The following STXBP5 variants were observed in gnomAD, a reference collection of about 807,000 sequenced individuals.
STXBP5 encodes syntaxin-binding protein 5.
A neutral mutation model predicts 152.4 loss-of-function variants in STXBP5; 50 were observed. The observed-to-expected ratio is 0.33, with a 90% CI of 0.26 to 0.42. STXBP5 has a LOEUF of 0.42. Ranked by LOEUF, STXBP5 falls within the 10% of genes least tolerant of loss-of-function variation. The probability of loss-of-function intolerance (pLI) is 1.00; values close to 1 mark genes in which losing one functional copy is unlikely to be tolerated. For missense variants in STXBP5, 1,167 were observed against 1,388.6 expected (o/e 0.84, Z 2.54); for synonymous variants, 492 against 494.7 (o/e 0.99, Z 0.07).
At position 147,315,526 on chromosome 6, in the gene STXBP5, G is replaced by C. The variant is rs2128375083; in HGVS notation, c.1414G>C (p.Val472Leu). 1.9e-6 allele frequency: 3 copies of C among 1,603,756 alleles called. No individual in the cohort carries two copies. In the East Asian group the frequency reaches 6.7e-5, roughly 36 times the overall value. Residue 472 changes from valine (V) to leucine (L), a missense_variant, in exon 15 of 28, where the codon GTA becomes CTA. By Grantham distance (32) the Val-to-Leu change is conservative (BLOSUM62 1). Coordinates refer to ENST00000321680, the MANE Select transcript of STXBP5 (RefSeq NM_001127715.4). Reference protein sequence around the residue: ...FWDASAITLQVLYKLKTSKVF... With the variant: ...FWDASAITLQLLYKLKTSKVF... ...TATCTTTTTTCCAGTAACTCTACAA[G>C]TATTATATAAGCTAAAGACATCTAA...
intron 21 of STXBP5, among the ~76,000 whole-genome samples, chr6:147,349,395 T>A (rs576127019): frequency 1.9e-4 from 29 of 152,328 alleles, no homozygotes. Context: ...ATGTTCTTTA[T>A]CTTGCTCGTT....
chr6:147,247,917 A>G (rs1202811537), intron 4 of STXBP5, among the ~76,000 whole-genome samples: 7 of 152,212 alleles, frequency 4.6e-5, no homozygotes, highest in Non-Finnish European at 8.8e-5. Flanking sequence ...AAAAGATTAT[A>G]TAAAAAGACA....
intron 9 of STXBP5, among the ~76,000 whole-genome samples, chr6:147,300,893 G>A (rs911612600): frequency 1.3e-5 from 2 of 151,622 alleles, no homozygotes; most frequent in African/African-American, 4.8e-5. Flanking sequence ...GAAAATATTT[G>A]TAAACTATAC....
chr6:147,307,869 A>G (rs1782172224), intron 9 of STXBP5, among the ~76,000 whole-genome samples: 1 of 152,216 alleles, frequency 6.6e-6, no homozygotes, highest in African/African-American at 2.4e-5. Flanking sequence ...CCTTCCGAGG[A>G]TAAACCTACC....
At chr6:147,337,943 A>G (rs1453741061) in intron 19 of STXBP5, among the ~76,000 whole-genome samples, 1 of 152,112 alleles carries the variant, frequency 6.6e-6, no homozygotes, top group Non-Finnish European at 1.5e-5. Context: ...GTCAGAGAAA[A>G]GCTGTCAAGG....
intron 9 of STXBP5, among the ~76,000 whole-genome samples, chr6:147,309,381 T>C (rs1782253955): frequency 6.6e-6 from 1 of 152,144 alleles, no homozygotes. Flanking sequence ...GGAAATATAC[T>C]CAGACCATAA....
At position 147,327,125 on chromosome 6, in the gene STXBP5, G is replaced by C. The variant is rs1432312422; in HGVS notation, c.1929G>C (p.Leu643=). 6.2e-7 allele frequency: 1 copy of C among 1,604,408 alleles called. No individual in the cohort carries two copies. Among genetic ancestry groups the C allele is most frequent in the East Asian group, 2.2e-5 (1 of 44,788 alleles). Residue 643 remains leucine (L), a splice_region_variant and synonymous_variant, in exon 18 of 28, where the codon CTG becomes CTC. Coordinates refer to ENST00000321680, the MANE Select transcript of STXBP5 (RefSeq NM_001127715.4). ...TSLAVNSSYG[L]VVFGNCNGIA... is the part of the protein sequence containing the mutation. The stretch of plus-strand genomic sequence containing the variant: ...ATGTTTGTTATTTTCCTATTCCCAG[G>C]GTGGTTTTTGGCAATTGCAATGGCA...
In STXBP5 at chr6:147,267,064, G is replaced by A. The variant is rs1231906611; in HGVS notation, c.631-20G>A. The stretch of plus-strand genomic sequence containing the variant: ...AATTGATATCATTCCTAGGTAATGT[G>A]CCTTTTTCTTTTATCACAGCTTTTG... On this transcript the variant is annotated intron_variant, in intron 6 of 27. Coordinates refer to ENST00000321680, the MANE Select transcript of STXBP5 (RefSeq NM_001127715.4). 1.9e-6 allele frequency: 3 copies of A among 1,591,676 alleles called. No homozygotes were observed. Among genetic ancestry groups the A allele is most frequent in the African/African-American group, 1.4e-5 (1 of 73,994 alleles).
chr6:147,387,089 C>A lies in STXBP5; in HGVS notation c.*2334C>A, dbSNP rs1460915541. On this transcript the variant is annotated 3_prime_UTR_variant, in exon 28 of 28. Transcript: ENST00000321680. ...TTTAAATTAATCTACAAATTATGCA[C>A]AACAAACTAGAGACTCAGTTAGGAT... 6.6e-6 allele frequency: 1 copy of A among 151,484 alleles called. No homozygotes were observed. The highest frequency in any genetic ancestry group is 2.4e-5 in the African/African-American group (1 of 41,332). 9.4% of individuals were successfully genotyped at this position (151,484 alleles called of 1,614,324 possible).
intron 25 of STXBP5, among the ~76,000 whole-genome samples, chr6:147,371,386 C>G (rs971633371): frequency 1.3e-5 from 2 of 152,084 alleles, no homozygotes; most frequent in Non-Finnish European, 2.9e-5. Context: ...ATAATGTTAA[C>G]CTGTAGATAA....
At chr6:147,247,630 TCTCTTTGAATAC>T (rs1239340963) in intron 4 of STXBP5, among the ~76,000 whole-genome samples, 7 of 152,218 alleles carry the variant, frequency 4.6e-5, no homozygotes, top group African/African-American at 1.7e-4. Context: ...TAGTAAGGAG[TCTCTTTGAATAC>T]CTCTACCCTT....
At chr6:147,365,543 T>C (rs1164385602) in intron 25 of STXBP5, among the ~76,000 whole-genome samples, 5 of 152,216 alleles carry the variant, frequency 3.3e-5, no homozygotes, top group Non-Finnish European at 7.4e-5. Flanking sequence ...AGCCATAGTT[T>C]ACTCATTTAT....
intron 7 of STXBP5, among the ~76,000 whole-genome samples, chr6:147,271,570 A>G (rs1562453124): frequency 1.3e-5 from 2 of 152,072 alleles, no homozygotes; most frequent in Non-Finnish European, 2.9e-5. Context: ...AAAGAAGAAA[A>G]CATAAGGAAA....
At chr6:147,231,566 A>G (rs1319482290) in intron 2 of STXBP5, among the ~76,000 whole-genome samples, 2 of 151,888 alleles carry the variant, frequency 1.3e-5, no homozygotes, top group Admixed American at 6.6e-5. Flanking sequence ...GTTTAGAGTT[A>G]CAAGCTAAGA....
At chr6:147,379,499 T>C (rs1215650143) in intron 26 of STXBP5, among the ~76,000 whole-genome samples, 1 of 152,178 alleles carries the variant, frequency 6.6e-6, no homozygotes, top group Non-Finnish European at 1.5e-5. Flanking sequence ...TCAAAACTGA[T>C]GTCTGTATGT....
rs931975911 is a variant in STXBP5 at position 147,339,392 on chromosome 6, A to G, written c.2254+8A>G. The stretch of plus-strand genomic sequence containing the variant: ...TGGTAGCCAATGATATAGGTAGGAA[A>G]TAGAAATTTCTATTTTGTTTCTAAT... On this transcript the variant is annotated splice_region_variant and intron_variant, in intron 21 of 27. Transcript: ENST00000321680. 6.7e-7 allele frequency: 1 copy of G among 1,484,020 alleles called. No individual in the cohort carries two copies. Among genetic ancestry groups the G allele is most frequent in the African/African-American group, 1.4e-5 (1 of 69,474 alleles). 91.9% of individuals were successfully genotyped at this position (1,484,020 alleles called of 1,614,324 possible). A position where few individuals can be genotyped will look rare whatever the true frequency, so the allele number is the denominator to read the frequency against.
chr6:147,285,212 C>T (rs528398422), intron 8 of STXBP5, among the ~76,000 whole-genome samples: 3 of 152,174 alleles, frequency 2.0e-5, no homozygotes, highest in Non-Finnish European at 4.4e-5. Context: ...AGGTAGTTCA[C>T]GGATAGTTAA....
chr6:147,330,656 A>G (rs1783522499), intron 18 of STXBP5, among the ~76,000 whole-genome samples: 1 of 152,178 alleles, frequency 6.6e-6, no homozygotes, highest in Non-Finnish European at 1.5e-5. Flanking sequence ...AGTAAAATCA[A>G]TTTTACTTTT....
chr6:147,247,238 G>T (rs906937113), intron 4 of STXBP5, among the ~76,000 whole-genome samples: 5 of 152,142 alleles, frequency 3.3e-5, no homozygotes, highest in African/African-American at 1.2e-4. Flanking sequence ...TCTGCTAATC[G>T]CATAACATTA....
Sources: allele counts gnomAD v4.1 joint callset (sites outside exome capture counted in the v4.1 genomes callset), GRCh38; gene constraint gnomAD v4.1.1; transcripts MANE v1.5; gene names NCBI Gene and HGNC (gene_info 2026-07-23, HGNC 2026-07-21).